Variants in WDR89 observed in about 807,000 individuals in gnomAD.
The protein encoded by WDR89 is WD repeat domain 89, also known as WD repeat-containing protein 89.
A neutral mutation model predicts 29.1 loss-of-function variants in WDR89; 17 were observed. The observed-to-expected ratio is 0.58, with a 90% CI of 0.40 to 0.88. WDR89 has a LOEUF of 0.88. Among genes scored for constraint, WDR89 ranks in the 40% least tolerant of loss-of-function variants. The probability of loss-of-function intolerance (pLI) is 0.00; values close to 1 mark genes in which losing one functional copy is unlikely to be tolerated. For missense variants in WDR89, 396 were observed against 456.3 expected, an observed-to-expected ratio of 0.87 and a Z score of 1.20; for synonymous variants, 138 against 157.8, an observed-to-expected ratio of 0.87 and a Z score of 0.94.
chr14:63,627,301 C>T (rs774272873), intron 1 of WDR89, among the ~76,000 whole-genome samples: 4 of 151,758 alleles, frequency 2.6e-5, no homozygotes, highest in African/African-American at 9.7e-5. Context: ...TAAATATATG[C>T]GTATGTAAGG....
chr14:63,621,530 G>T (rs1188103037), intron 2 of WDR89, among the ~76,000 whole-genome samples: 1 of 152,134 alleles, frequency 6.6e-6, no homozygotes, highest in African/African-American at 2.4e-5. Context: ...CCCAGGAGGT[G>T]TAGGTTGCAG....
chr14:63,632,980 G>A (rs1315115841), intron 1 of WDR89, among the ~76,000 whole-genome samples: 1 of 152,124 alleles, frequency 6.6e-6, no homozygotes, highest in Non-Finnish European at 1.5e-5. Context: ...CAGACTGCCA[G>A]AGCACAAATC....
intron 2 of WDR89, among the ~76,000 whole-genome samples, chr14:63,613,158 G>A (rs1882092426): frequency 6.6e-6 from 1 of 152,150 alleles, no homozygotes; most frequent in Non-Finnish European, 1.5e-5. Context: ...AATGAAAGGA[G>A]TCGCAGCCTA....
intron 2 of WDR89, chr14:63,618,153 G>T (rs2139531522): frequency 6.6e-6 from 1 of 152,012 alleles, no homozygotes; most frequent in Middle Eastern, 3.4e-3. Flanking sequence ...TTAGAGGGGT[G>T]TGTGTGTGTG....
Position 63,599,867 on chromosome 14 carries a change from G to C in WDR89, c.76C>G (p.Leu26Val). 6.2e-7 allele frequency: 1 copy of C among 1,613,982 alleles called. No homozygotes were observed. The change falls in exon 3 of 3, where the codon CTT becomes GTT. Residue 26 changes from leucine to valine, a missense_variant. Leu to Val is a conservative substitution (Grantham distance 32). Coordinates refer to ENST00000620954, the MANE Select transcript of WDR89 (RefSeq NM_080666.4). Reference sequence around the variant, plus strand: ...GTCTTTGATGTGTCTATACCAAGAAGGTAAGTGGGCTCTTTGGTTCCTAAG... The same window carrying C: ...GTCTTTGATGTGTCTATACCAAGAACGTAAGTGGGCTCTTTGGTTCCTAAG... ...CSLGTKEPTY[L>V]LGIDTSKTVQ...
chr14:63,641,355 C>T lies in WDR89; in HGVS notation c.-138+449G>A, dbSNP rs142448799. ...TAATAGACCAGTTGCTGGTATCATACCACATCCCATACTACGGGTCGTCTC... is the reference window on the plus strand; with the variant it reads ...TAATAGACCAGTTGCTGGTATCATATCACATCCCATACTACGGGTCGTCTC... On this transcript the variant is annotated intron_variant, in intron 1 of 2. Transcript: ENST00000620954. 7 of 152,332 alleles carry T rather than the reference C, an allele frequency of 4.6e-5. No homozygotes were observed. The East Asian group carries it at 1.2e-3, about 25-fold the overall frequency. 9.4% of individuals were successfully genotyped at this position (152,332 alleles called of 1,614,324 possible). A position where few individuals can be genotyped will look rare whatever the true frequency, so the allele number is the denominator to read the frequency against.
intron 2 of WDR89, among the ~76,000 whole-genome samples, chr14:63,607,959 A>G (rs1222635037): frequency 6.6e-6 from 1 of 150,860 alleles, no homozygotes; most frequent in African/African-American, 2.4e-5. Context: ...TGTAATCCCA[A>G]CACTTTGGGA....
intron 2 of WDR89, among the ~76,000 whole-genome samples, chr14:63,609,724 A>T (rs1411952024): frequency 6.6e-6 from 1 of 152,094 alleles, no homozygotes; most frequent in East Asian, 1.9e-4. Context: ...TGGAAGGTGG[A>T]GGTTACAGTG....
rs114899029 is a variant in WDR89 at position 63,627,521 on chromosome 14, T to C, written c.-137-2488A>G. Among the ~76,000 whole-genome samples the C allele has an allele frequency of 7.5e-3, 1,148 of 152,284 alleles. 13 individuals carry two copies. The highest frequency in any genetic ancestry group is 0.026 in the African/African-American group (1,099 of 41,552). Reference sequence around the variant, plus strand: ...ACAAATACATGTAATGAATCCATCATTATATAACTGTTTCACCACCCTAAA... The same window carrying C: ...ACAAATACATGTAATGAATCCATCACTATATAACTGTTTCACCACCCTAAA... On this transcript the variant is annotated intron_variant, in intron 1 of 2. Coordinates refer to ENST00000620954, the MANE Select transcript of WDR89 (RefSeq NM_080666.4).
intron 1 of WDR89, among the ~76,000 whole-genome samples, chr14:63,639,986 A>G (rs148264984): frequency 6.6e-6 from 1 of 152,324 alleles, no homozygotes; most frequent in East Asian, 1.9e-4. Flanking sequence ...ACAAAGTGAG[A>G]GAAAAGAACC....
At position 63,615,670 on chromosome 14, in the gene WDR89, T is replaced by C. The variant is rs969559703; in HGVS notation, c.-32+9258A>G. On this transcript the variant is annotated intron_variant, in intron 2 of 2. Coordinates refer to ENST00000620954, the MANE Select transcript of WDR89 (RefSeq NM_080666.4). ...AGCCGGGCCCAGTGGCTCATGCCTG[T>C]AGTCCCAGCACTTTGGCAGGCCGAG... is the stretch of plus-strand genomic sequence containing the variant. Among the ~76,000 whole-genome samples, 7 of 152,182 alleles carry C rather than the reference T, an allele frequency of 4.6e-5. No individual in the cohort carries two copies. In the South Asian group the frequency reaches 6.2e-4, roughly 13 times the overall value.
At position 63,632,352 on chromosome 14, in the gene WDR89, C is replaced by T. The variant is rs139391060; in HGVS notation, c.-137-7319G>A. Among the ~76,000 whole-genome samples the T allele has an allele frequency of 7.6e-4, 115 of 152,076 alleles. 2 individuals are homozygous for T. In the East Asian group the frequency reaches 0.012, roughly 16 times the overall value. ...GCACTTAAAAACTAGGAAAGTAGGCCGGGCGTGATGGCTCCTGCCCCTTAT... is the reference window on the plus strand; with the variant it reads ...GCACTTAAAAACTAGGAAAGTAGGCTGGGCGTGATGGCTCCTGCCCCTTAT... On this transcript the variant is annotated intron_variant, in intron 1 of 2. Coordinates refer to ENST00000620954, the MANE Select transcript of WDR89 (RefSeq NM_080666.4).
chr14:63,602,253 A>T (rs1895099841), intron 2 of WDR89, among the ~76,000 whole-genome samples: 1 of 151,910 alleles, frequency 6.6e-6, no homozygotes, highest in Non-Finnish European at 1.5e-5. Context: ...GGCAGCGATC[A>T]CTGAGGTCAG....
intron 2 of WDR89, among the ~76,000 whole-genome samples, chr14:63,609,189 A>C (rs2139509728): frequency 6.6e-6 from 1 of 152,300 alleles, no homozygotes; most frequent in East Asian, 1.9e-4. Context: ...AGAAGTAAGC[A>C]GAAGGTACAA....
rs375532609 is a variant in WDR89, at chr14:63,636,448, G to A, written c.-138+5356C>T. Among the ~76,000 whole-genome samples the A allele has an allele frequency of 1.2e-4, 19 of 152,202 alleles. No homozygotes were observed. In the East Asian group the frequency reaches 2.3e-3, roughly 19 times the overall value. ...TTCATATGGAACCAAAAAGGAGCCC[G>A]CATAGCCAAAGCATGACTAAGCAAA... On this transcript the variant is annotated intron_variant, in intron 1 of 2. Coordinates refer to ENST00000620954, the MANE Select transcript of WDR89 (RefSeq NM_080666.4).
Position 63,598,224 on chromosome 14 carries a change from T to C in WDR89, c.*555A>G, listed in dbSNP as rs1894878084. ...TAACAATATTAAAGATGCAAATATT[T>C]ACGAAACATATTTTTCTCACTTTAC... On this transcript the variant is annotated 3_prime_UTR_variant, in exon 3 of 3. Transcript: ENST00000620954. 6.6e-6 allele frequency: 1 copy of C among 152,238 alleles called. No homozygotes were observed. The highest frequency in any genetic ancestry group is 1.5e-5 in the Non-Finnish European group (1 of 68,036). 9.4% of individuals were successfully genotyped at this position (152,238 alleles called of 1,614,324 possible).
rs781745691 is a variant in WDR89, at chr14:63,624,959, G to C, written c.-63C>G. ...AGCCCACTTTTAGGTATTTACTCAAGAGAAATGACAACTTATGTCCGTACA... is the reference window on the plus strand; with the variant it reads ...AGCCCACTTTTAGGTATTTACTCAACAGAAATGACAACTTATGTCCGTACA... On this transcript the variant is annotated 5_prime_UTR_variant, in exon 2 of 3. Coordinates refer to ENST00000620954, the MANE Select transcript of WDR89 (RefSeq NM_080666.4). 6.6e-6 allele frequency: 1 copy of C among 152,042 alleles called. No homozygotes were observed. The highest frequency in any genetic ancestry group is 1.5e-5 in the Non-Finnish European group (1 of 68,006). The allele number at this position is 152,042 out of a possible 1,614,324, so 9.4% of individuals were successfully genotyped here.
intron 2 of WDR89, among the ~76,000 whole-genome samples, chr14:63,619,959 C>T (rs1882578916): frequency 7.1e-6 from 1 of 141,414 alleles, no homozygotes; most frequent in Non-Finnish European, 1.5e-5. Context: ...GAGCCAAGAT[C>T]GTGCCACTGC....
At chr14:63,636,558 A>G (rs1883752160) in intron 1 of WDR89, among the ~76,000 whole-genome samples, 1 of 152,206 alleles carries the variant, frequency 6.6e-6, no homozygotes. Flanking sequence ...GTACTGGTAT[A>G]AAAATAGGCA....
Sources: allele counts gnomAD v4.1 joint callset (sites outside exome capture counted in the v4.1 genomes callset), GRCh38; gene constraint gnomAD v4.1.1; transcripts MANE v1.5; gene names NCBI Gene and HGNC (gene_info 2026-07-23, HGNC 2026-07-21).